Variants in IQCH observed in about 807,000 individuals in gnomAD.
The protein encoded by IQCH is IQ domain-containing protein H.
In IQCH, 98 loss-of-function variants were observed where a neutral mutation model predicts 117.0. The ratio of observed to expected loss-of-function variants is 0.84; its 90% CI spans 0.71 to 0.99. The LOEUF is 0.99. Ranked by LOEUF, IQCH falls within the 50% of genes least tolerant of loss-of-function variation. IQCH has a pLI of 0.00. For missense variants in IQCH, 1,102 were observed against 1,243.8 expected (o/e 0.89, Z 1.72); for synonymous variants, 412 against 448.2 (o/e 0.92, Z 1.02).
In IQCH at chr15:67,386,884, C is replaced by G. The variant is rs147482636; in HGVS notation, c.1456+1865C>G. The stretch of plus-strand genomic sequence containing the variant: ...ATACTGAATCTTAGAGTTAGTGATA[C>G]GTATTCCTTTGCCAGAAATTAACAG... On this transcript the variant is annotated intron_variant, in intron 11 of 20. Coordinates refer to ENST00000335894, the MANE Select transcript of IQCH (RefSeq NM_001031715.3). This position sits in a 1 kb window ranked among gnomAD's most constrained non-coding sequence, Gnocchi z 5.0. Among the ~76,000 whole-genome samples, 1,251 of 152,194 alleles carry G rather than the reference C, an allele frequency of 8.2e-3. 7 individuals carry two copies. The highest frequency in any genetic ancestry group is 0.012 in the Non-Finnish European group (836 of 68,004).
At chr15:67,419,296 T>C (rs2081661657) in intron 15 of IQCH, among the ~76,000 whole-genome samples, 1 of 152,180 alleles carries the variant, frequency 6.6e-6, no homozygotes, top group South Asian at 2.1e-4. Flanking sequence ...ACCTGGTTCT[T>C]GAAAGTCATG....
chr15:67,262,168 G>A (rs957188087), intron 2 of IQCH, among the ~76,000 whole-genome samples: 16 of 152,050 alleles, frequency 1.1e-4, no homozygotes, highest in African/African-American at 2.7e-4. Flanking sequence ...TTTTTGTAAC[G>A]TTATAATCAA....
At chr15:67,379,387 T>G (rs1970844692) in intron 10 of IQCH, among the ~76,000 whole-genome samples, 1 of 152,340 alleles carries the variant, frequency 6.6e-6, no homozygotes, top group South Asian at 2.1e-4. Flanking sequence ...TTTTTGTCTT[T>G]TGTAACTTGT....
rs1434442936 is a variant in IQCH at position 67,365,480 on chromosome 15, A to C, written c.753+5595A>C. Among the ~76,000 whole-genome samples the C allele has an allele frequency of 6.6e-6, 1 of 152,230 alleles. No homozygotes were observed. The highest frequency in any genetic ancestry group is 2.4e-5 in the African/African-American group (1 of 41,460). On this transcript the variant is annotated intron_variant, in intron 8 of 20. Transcript: ENST00000335894. This position sits in a 1 kb window ranked among gnomAD's most constrained non-coding sequence, Gnocchi z 4.4. The stretch of plus-strand genomic sequence containing the variant: ...ACCTTTACCGTGTGCCAGGCAGTGT[A>C]CTAGATAGGCACTGGGGACACAACA...
At position 67,445,153 on chromosome 15, in the gene IQCH, T is replaced by C. The variant is rs1420012998; in HGVS notation, c.2506-19974T>C. 1.3e-5 allele frequency among the ~76,000 whole-genome samples: 2 copies of C among 152,188 alleles called. No homozygotes were observed. The highest frequency in any genetic ancestry group is 4.8e-5 in the African/African-American group (2 of 41,448). On this transcript the variant is annotated intron_variant, in intron 16 of 20. Coordinates refer to ENST00000335894, the MANE Select transcript of IQCH (RefSeq NM_001031715.3). This position sits in a 1 kb window ranked among gnomAD's most constrained non-coding sequence, Gnocchi z 4.3. ...GTAAAACAAAAACTTAAACACGTCG[T>C]TGAACATCTGTTACTAGTACAGTCT...
chr15:67,337,155 A>T (rs1188409707), intron 5 of IQCH, 60 bp downstream of exon 5: 1 of 1,580,852 alleles, frequency 6.3e-7, no homozygotes, highest in Non-Finnish European at 8.6e-7. Context: ...GCATTGAGGT[A>T]GGATCGGAGG....
chr15:67,308,791 G>A (rs1967439329), intron 4 of IQCH, among the ~76,000 whole-genome samples: 1 of 152,000 alleles, frequency 6.6e-6, no homozygotes, highest in Non-Finnish European at 1.5e-5. Flanking sequence ...GGAAAGTGAT[G>A]GAATGTTGGC....
intron 8 of IQCH, among the ~76,000 whole-genome samples, chr15:67,363,018 A>G (rs1322102838): frequency 1.3e-5 from 2 of 152,236 alleles, no homozygotes; most frequent in Non-Finnish European, 2.9e-5. Flanking sequence ...GAGAGAGGGC[A>G]GTTCTTAAGA....
chr15:67,464,360 C>G (rs967373873), intron 16 of IQCH, among the ~76,000 whole-genome samples: 2 of 152,214 alleles, frequency 1.3e-5, no homozygotes, highest in Non-Finnish European at 2.9e-5. Context: ...AGTAGATGCT[C>G]AGTAAATATT....
At chr15:67,280,429 G>A (rs1284554705) in intron 4 of IQCH, among the ~76,000 whole-genome samples, 1 of 152,206 alleles carries the variant, frequency 6.6e-6, no homozygotes, top group Non-Finnish European at 1.5e-5. Context: ...TCTAGAGGCT[G>A]GAATTCAAAG....
Position 67,372,102 on chromosome 15 carries a change from T to A in IQCH, c.754-9T>A, listed in dbSNP as rs767403384. 8 of 1,579,116 alleles carry A rather than the reference T, an allele frequency of 5.1e-6. No individual in the cohort carries two copies. In the East Asian group the frequency reaches 1.8e-4, roughly 35 times the overall value. On this transcript the variant is annotated splice_polypyrimidine_tract_variant and intron_variant, in intron 8 of 20. Transcript: ENST00000335894. ...TTCACTTCTAAAATATATTTCTTTT[T>A]TTCCACAGGCCATGAAAGTCAAAAC...
chr15:67,492,190 G>A (rs889518790), intron 19 of IQCH, among the ~76,000 whole-genome samples: 2 of 152,100 alleles, frequency 1.3e-5, no homozygotes, highest in African/African-American at 2.4e-5. Context: ...CTTATGAATC[G>A]AGTTAAGCAG....
At chr15:67,485,520 A>C (rs1477100893) in intron 18 of IQCH, among the ~76,000 whole-genome samples, 1 of 152,216 alleles carries the variant, frequency 6.6e-6, no homozygotes. Flanking sequence ...ATTTCCTACA[A>C]CTAGTGAAAG....
chr15:67,374,000 GCA>G (rs927173539), intron 10 of IQCH: 19 of 154,702 alleles, frequency 1.2e-4, no homozygotes, highest in African/African-American at 4.6e-4. Flanking sequence ...TAAATAATCT[GCA>G]GTTTCATGTT....
chr15:67,312,442 A>G (rs928856613), intron 4 of IQCH, among the ~76,000 whole-genome samples: 1 of 152,126 alleles, frequency 6.6e-6, no homozygotes, highest in African/African-American at 2.4e-5. Context: ...GCAAAAATCC[A>G]GTGTGGGACA....
At chr15:67,347,527 G>A (rs1416531245) in intron 6 of IQCH, among the ~76,000 whole-genome samples, 2 of 151,868 alleles carry the variant, frequency 1.3e-5, no homozygotes, top group Admixed American at 1.3e-4. Context: ...AATTGACTTA[G>A]TACTTAAAAA....
In IQCH at chr15:67,413,607, T is replaced by A. The variant is rs2081503642; in HGVS notation, c.2098-3324T>A. On this transcript the variant is annotated intron_variant, in intron 14 of 20. Transcript: ENST00000335894. This position sits in a 1 kb window ranked among gnomAD's most constrained non-coding sequence, Gnocchi z 5.0. ...GAGGCCATTCTTAGTATAATCCTTG[T>A]TTTTCCCATCAGACACTTTCAAAAT... is the stretch of plus-strand genomic sequence containing the variant. 6.6e-6 allele frequency: 1 copy of A among 152,154 alleles called. No individual in the cohort carries two copies. The allele number at this position is 152,154 out of a possible 1,614,324, so 9.4% of individuals were successfully genotyped here.
At chr15:67,379,595 G>T (rs1198273914) in intron 10 of IQCH, among the ~76,000 whole-genome samples, 1 of 152,142 alleles carries the variant, frequency 6.6e-6, no homozygotes, top group East Asian at 1.9e-4. Flanking sequence ...TGTTGGAGGA[G>T]GGGCCTGGTG....
At chr15:67,286,547 A>G (rs959580477) in intron 4 of IQCH, among the ~76,000 whole-genome samples, 5 of 152,050 alleles carry the variant, frequency 3.3e-5, no homozygotes, top group African/African-American at 9.7e-5. Flanking sequence ...TTCCCCATTC[A>G]GTATGATACT....
Sources: allele counts gnomAD v4.1 joint callset (sites outside exome capture counted in the v4.1 genomes callset), GRCh38; gene constraint gnomAD v4.1.1; non-coding constraint Gnocchi (gnomAD v3.1); transcripts MANE v1.5; gene names NCBI Gene and HGNC (gene_info 2026-07-23, HGNC 2026-07-21).